The following FCGR2A variants were observed in gnomAD, a reference collection of about 807,000 sequenced individuals.
The protein encoded by FCGR2A is Fc gamma receptor IIa.
Under a neutral mutation model 29.3 loss-of-function variants are expected in FCGR2A, and 18 were observed. The observed-to-expected ratio is 0.62, with a 90% CI of 0.43 to 0.91. FCGR2A has a LOEUF of 0.91. Ranked by LOEUF, FCGR2A falls within the 40% of genes least tolerant of loss-of-function variation. The pLI is 0.00. For missense variants in FCGR2A, 287 were observed against 393.0 expected (o/e 0.73, Z 2.28); for synonymous variants, 126 against 144.8 (o/e 0.87, Z 0.93).
intron 3 of FCGR2A, among the ~76,000 whole-genome samples, chr1:161,506,963 G>T (rs1675456619): frequency 6.6e-6 from 1 of 152,170 alleles, no homozygotes; most frequent in African/African-American, 2.4e-5. Flanking sequence ...ACCTCTAAAG[G>T]CTCTAAGGCA....
intron 3 of FCGR2A, among the ~76,000 whole-genome samples, chr1:161,507,475 T>C (rs548753647): frequency 6.6e-6 from 1 of 152,346 alleles, no homozygotes; most frequent in East Asian, 1.9e-4. Flanking sequence ...CACATTTCTA[T>C]TGTTGTTTAC....
intron 3 of FCGR2A, 167 bp downstream of exon 3, chr1:161,506,758 C>A: frequency 2.3e-6 from 3 of 1,287,114 alleles, no homozygotes; most frequent in South Asian, 3.1e-5. Flanking sequence ...GCTTAGCATG[C>A]GTGGTGGGGG....
intron 2 of FCGR2A, 23 bp from the exon 3 acceptor site, chr1:161,506,311 C>A (rs1675386400): frequency 1.9e-6 from 3 of 1,613,658 alleles, no homozygotes; most frequent in Non-Finnish European, 2.5e-6. Flanking sequence ...TTATTCCACA[C>A]CCCTTTCCAC....
chr1:161,508,992 A>T (rs1675595342), intron 3 of FCGR2A, among the ~76,000 whole-genome samples: 1 of 150,536 alleles, frequency 6.6e-6, no homozygotes, highest in Non-Finnish European at 1.5e-5. Context: ...GTGCCCCCAA[A>T]ATTCATATGA....
Position 161,510,942 on chromosome 1 carries a change from A to G in FCGR2A, c.728A>G (p.Lys243Arg), listed in dbSNP as rs764650911. ...AAVVALIYCR[K>R]KRISANSTDP... The stretch of plus-strand genomic sequence containing the variant: ...GTAGTGGCCTTGATCTACTGCAGGA[A>G]AAAGCGGATTTCAGGTTTGTAGCTC... Residue 243 changes from lysine (K) to arginine (R), a missense_variant, in exon 5 of 7, where the codon AAA becomes AGA. Transcript: ENST00000271450. 1.9e-6 allele frequency: 3 copies of G among 1,614,178 alleles called. No homozygotes were observed. In the South Asian group the frequency reaches 3.3e-5, roughly 18 times the overall value.
At chr1:161,514,409 A>C (rs139121685) in intron 6 of FCGR2A, among the ~76,000 whole-genome samples, 2,766 of 150,208 alleles carry the variant, frequency 0.018, 59 homozygotes, top group Middle Eastern at 0.027. Flanking sequence ...CAATTCATGA[A>C]TTGCTTCTTA....
At chr1:161,521,285 C>G (rs1173979466), downstream of FCGR2A, among the ~76,000 whole-genome samples, 3 of 152,056 alleles carry the variant, frequency 2.0e-5, no homozygotes, top group African/African-American at 7.3e-5. Flanking sequence ...CTACCACATA[C>G]TCAGAGCCCA....
At chr1:161,506,083 G>T (rs544836673) in intron 2 of FCGR2A, 76 bp downstream of exon 2, 4 of 1,446,882 alleles carry the variant, frequency 2.8e-6, no homozygotes, top group Non-Finnish European at 3.9e-6. Context: ...CTGGGGCGGC[G>T]GGGGGGTATG....
At chr1:161,508,086 CAAA>C (rs61414204) in intron 3 of FCGR2A, among the ~76,000 whole-genome samples, 209 of 68,242 alleles carry the variant, frequency 3.1e-3, no homozygotes, top group African/African-American at 0.012. Flanking sequence ...AACTCTGTCT[CAAA>C]AAAAAAAAAA....
rs1276778309 is a variant in FCGR2A, at chr1:161,509,880, G to A, written c.425G>A (p.Arg142Lys). ...CAGGAGGGAGAAACCATCATGCTGAGGTGCCACAGCTGGAAGGACAAGCCT... is the reference window on the plus strand; with the variant it reads ...CAGGAGGGAGAAACCATCATGCTGAAGTGCCACAGCTGGAAGGACAAGCCT... The part of the protein sequence containing the change: ...EFQEGETIML[R>K]CHSWKDKPLV... Residue 142 changes from arginine to lysine, a missense_variant, in exon 4 of 7, where the codon AGG becomes AAG. By Grantham distance (26) the Arg-to-Lys change is conservative (BLOSUM62 2). Transcript: ENST00000271450. 9 of 1,614,200 alleles carry A rather than the reference G, an allele frequency of 5.6e-6. No homozygotes were observed. The highest frequency in any genetic ancestry group is 7.6e-6 in the Non-Finnish European group (9 of 1,180,032).
downstream of FCGR2A, among the ~76,000 whole-genome samples, chr1:161,521,741 G>A (rs1192359299): frequency 6.6e-6 from 1 of 151,982 alleles, no homozygotes; most frequent in East Asian, 1.9e-4. Context: ...TCTCTTGTTT[G>A]CCACCATGTG....
At chr1:161,522,632 G>C (rs1224862347), downstream of FCGR2A, among the ~76,000 whole-genome samples, 1 of 152,150 alleles carries the variant, frequency 6.6e-6, no homozygotes, top group Non-Finnish European at 1.5e-5. Context: ...GACCAGCTTA[G>C]ACCCTGAGAG....
downstream of FCGR2A, among the ~76,000 whole-genome samples, chr1:161,520,860 C>T (rs902695595): frequency 6.6e-6 from 1 of 152,052 alleles, no homozygotes; most frequent in African/African-American, 2.4e-5. Flanking sequence ...CAATATTCTA[C>T]AGGATGCTAC....
intron 3 of FCGR2A, among the ~76,000 whole-genome samples, chr1:161,507,362 A>G (rs1164183576): frequency 1.3e-5 from 2 of 152,102 alleles, no homozygotes; most frequent in African/African-American, 4.8e-5. Flanking sequence ...GCCTCAAGTG[A>G]TCTTCCCTCC....
intron 5 of FCGR2A, chr1:161,513,653 A>T (rs1368374325): frequency 3.4e-6 from 2 of 581,322 alleles, no homozygotes; most frequent in South Asian, 2.3e-5. Flanking sequence ...CCCTGAAAAG[A>T]GTGTGGCCCA....
chr1:161,513,570 C>A (rs1315605813), intron 5 of FCGR2A: 6 of 505,990 alleles, frequency 1.2e-5, no homozygotes, highest in Non-Finnish European at 2.1e-5. Context: ...ATGCTGAACA[C>A]CCTGCTCCAC....
At chr1:161,514,836 C>T (rs1216977262) in intron 6 of FCGR2A, 1 of 150,988 alleles carries the variant, frequency 6.6e-6, no homozygotes, top group Admixed American at 6.6e-5. Flanking sequence ...ACTAGGTGTT[C>T]AACAGAAACC....
chr1:161,515,449 A>G (rs1676089124), intron 6 of FCGR2A, among the ~76,000 whole-genome samples: 1 of 152,126 alleles, frequency 6.6e-6, no homozygotes, highest in South Asian at 2.1e-4. Context: ...AATAGGCCAG[A>G]TAAACTAGGT....
intron 2 of FCGR2A, 74 bp downstream of exon 2, chr1:161,506,081 G>C (rs1675370364): frequency 2.0e-6 from 3 of 1,494,332 alleles, no homozygotes; most frequent in African/African-American, 2.8e-5. Flanking sequence ...TGCTGGGGCG[G>C]CGGGGGGGTA....
Sources: allele counts gnomAD v4.1 joint callset (sites outside exome capture counted in the v4.1 genomes callset), GRCh38; gene constraint gnomAD v4.1.1; transcripts MANE v1.5; gene names NCBI Gene and HGNC (gene_info 2026-07-23, HGNC 2026-07-21).